KCNQ1: variants seen among roughly 807,000 people sequenced by gnomAD.
The protein encoded by KCNQ1 is potassium voltage-gated channel subfamily Q member 1, also known as potassium voltage-gated channel subfamily KQT member 1.
In KCNQ1, 49 loss-of-function variants were observed where a neutral mutation model predicts 72.4. The observed-to-expected ratio is 0.68, with a 90% CI of 0.54 to 0.86. The LOEUF (loss-of-function observed/expected upper bound fraction) is 0.86. Ranked by LOEUF, KCNQ1 falls within the 40% of genes least tolerant of loss-of-function variation. KCNQ1 has a pLI of 0.00. For synonymous variants in KCNQ1, 450 were observed against 412.6 expected, an observed-to-expected ratio of 1.09 and a Z score of -1.10; for missense variants, 790 against 945.1, an observed-to-expected ratio of 0.84 and a Z score of 2.15.
At chr11:2,722,910 G>A (rs1227525198) in intron 11 of KCNQ1, among the ~76,000 whole-genome samples, 3 of 152,172 alleles carry the variant, frequency 2.0e-5, no homozygotes, top group Non-Finnish European at 1.5e-5. Flanking sequence ...CGGAGTGGGG[G>A]TGGGGGCATG....
In KCNQ1 at chr11:2,579,219, G is replaced by A. The variant is rs1437845777; in HGVS notation, c.922-4216G>A. On this transcript the variant is annotated intron_variant, in intron 6 of 15. Coordinates refer to ENST00000155840, the MANE Select transcript of KCNQ1 (RefSeq NM_000218.3). The surrounding 1 kb of genome is among the most constrained non-coding windows in gnomAD (Gnocchi z 6.0). ...GCCTTGAGGAGGCTACTTCTGAAAGGAGGGAATAGAATCCCAGTGTTTCTC... is the reference window on the plus strand; with the variant it reads ...GCCTTGAGGAGGCTACTTCTGAAAGAAGGGAATAGAATCCCAGTGTTTCTC... Among the ~76,000 whole-genome samples, 4 of 152,180 alleles carry A rather than the reference G, an allele frequency of 2.6e-5. No individual in the cohort carries two copies. The highest frequency in any genetic ancestry group is 4.8e-5 in the African/African-American group (2 of 41,462).
At chr11:2,472,556 G>A (rs965637092) in intron 1 of KCNQ1, among the ~76,000 whole-genome samples, 3 of 152,138 alleles carry the variant, frequency 2.0e-5, no homozygotes, top group Admixed American at 6.5e-5. Context: ...GCTACTTTGT[G>A]GGCTGGAGTC....
rs1438385719 is a variant in KCNQ1, at chr11:2,781,353, A to G, written c.1794+3316A>G. Among the ~76,000 whole-genome samples the G allele has an allele frequency of 2.0e-5, 3 of 152,120 alleles. No individual in the cohort carries two copies. The highest frequency in any genetic ancestry group is 6.5e-5 in the Admixed American group (1 of 15,282). ...CAGGGGTGGGAGATGAGGTAGAGAGAGCAAGGAGGGGTTTCATATCACCCA... is the reference window on the plus strand; with the variant it reads ...CAGGGGTGGGAGATGAGGTAGAGAGGGCAAGGAGGGGTTTCATATCACCCA... On this transcript the variant is annotated intron_variant, in intron 15 of 15. Coordinates refer to ENST00000155840, the MANE Select transcript of KCNQ1 (RefSeq NM_000218.3). The surrounding 1 kb of genome is among the most constrained non-coding windows in gnomAD (Gnocchi z 6.6).
rs888571840 is a variant in KCNQ1, at chr11:2,486,027, G to T, written c.386+40543G>T. Among the ~76,000 whole-genome samples, 6 of 152,176 alleles carry T rather than the reference G, an allele frequency of 3.9e-5. No individual in the cohort carries two copies. The highest frequency in any genetic ancestry group is 1.4e-4 in the African/African-American group (6 of 41,516). On this transcript the variant is annotated intron_variant, in intron 1 of 15. Coordinates refer to ENST00000155840, the MANE Select transcript of KCNQ1 (RefSeq NM_000218.3). This position sits in a 1 kb window ranked among gnomAD's most constrained non-coding sequence, Gnocchi z 5.0. ...ATGGGTGTACAAATATCTTTTCAAC[G>T]CCCTGCTTTCAATTCTTTTGGGTAT...
intron 10 of KCNQ1, chr11:2,660,914 A>T (rs1193084244): frequency 1.0e-5 from 4 of 398,556 alleles, no homozygotes; most frequent in Admixed American, 4.4e-5. Context: ...GCTTAAAACT[A>T]TAAGAGCCTG....
At chr11:2,583,630 C>T (rs907747996) in intron 7 of KCNQ1, 85 bp downstream of exon 7, 3 of 914,138 alleles carry the variant, frequency 3.3e-6, no homozygotes, top group African/African-American at 3.2e-5. Flanking sequence ...TGTGAGCAGA[C>T]CCACTTACGT....
chr11:2,611,569 T>A lies in KCNQ1; in HGVS notation c.1393+22715T>A, dbSNP rs986099622. 5.0e-5 allele frequency: 20 copies of A among 398,630 alleles called. No individual in the cohort carries two copies. Among genetic ancestry groups the A allele is most frequent in the African/African-American group, 3.7e-4 (18 of 48,758 alleles). The allele number at this position is 398,630 out of a possible 1,614,324, so 24.7% of individuals were successfully genotyped here. ...CTTTCTTATTACTGTTTGCATGTCA[T>A]CTTTTTCCATCATTTTACTTTCAAC... On this transcript the variant is annotated intron_variant, in intron 10 of 15. Transcript: ENST00000155840. This position sits in a 1 kb window ranked among gnomAD's most constrained non-coding sequence, Gnocchi z 5.3.
At chr11:2,788,827 A>G (rs534247990) in intron 15 of KCNQ1, among the ~76,000 whole-genome samples, 1 of 152,290 alleles carries the variant, frequency 6.6e-6, no homozygotes, top group South Asian at 2.1e-4. Context: ...AGATAAACCT[A>G]TAATGAAAGC....
chr11:2,797,844 G>A (rs562588669), intron 15 of KCNQ1, among the ~76,000 whole-genome samples: 14 of 152,020 alleles, frequency 9.2e-5, no homozygotes, highest in East Asian at 1.9e-4. Context: ...GAAGCCAGCC[G>A]GTTCCCCCAG....
At chr11:2,453,138 C>T (rs1846138505) in intron 1 of KCNQ1, among the ~76,000 whole-genome samples, 1 of 152,232 alleles carries the variant, frequency 6.6e-6, no homozygotes, top group Non-Finnish European at 1.5e-5. Flanking sequence ...CTTTGGGAGG[C>T]CAAGGCGGGC....
intron 11 of KCNQ1, chr11:2,685,633 G>T (rs934888785): frequency 1.3e-4 from 51 of 398,588 alleles, no homozygotes; most frequent in Non-Finnish European, 2.7e-5. Flanking sequence ...TCCACTCAGG[G>T]TTGAGGGGAC....
In KCNQ1 at chr11:2,583,535, C is replaced by A. The variant is rs12720459; in HGVS notation, c.1022C>A (p.Ala341Glu). The change falls in exon 7 of 16, where the codon GCG becomes GAG. Residue 341 changes from alanine to glutamate, a missense_variant. By Grantham distance (107) the Ala-to-Glu change is moderately radical. Transcript: ENST00000155840. ...TCTGTCTTTGCCATCTCCTTCTTTG[C>A]GCTCCCAGCGGTAGGTGCCCCGTGG... ...CFSVFAISFF[A>E]LPAGILGSGF... 23 of 1,612,314 alleles carry A rather than the reference C, an allele frequency of 1.4e-5. No individual in the cohort carries two copies. The highest frequency in any genetic ancestry group is 2.0e-5 in the Non-Finnish European group (23 of 1,178,416).
rs115949303 is a variant in KCNQ1 at position 2,828,903 on chromosome 11, T to A, written c.1795-18864T>A. Among the ~76,000 whole-genome samples, 313 of 152,220 alleles carry A rather than the reference T, an allele frequency of 2.1e-3. 1 individual carries two copies. The highest frequency in any genetic ancestry group is 7.3e-3 in the African/African-American group (303 of 41,524). On this transcript the variant is annotated intron_variant, in intron 15 of 15. Transcript: ENST00000155840. This position sits in a 1 kb window ranked among gnomAD's most constrained non-coding sequence, Gnocchi z 5.3. Reference sequence around the variant, plus strand: ...AAAAAGTAAGTCACACACAAGAGAATAGAAAATCAAAACGGTATCCAATTT... The same window carrying A: ...AAAAAGTAAGTCACACACAAGAGAAAAGAAAATCAAAACGGTATCCAATTT...
chr11:2,634,861 T>C (rs1227597898), intron 10 of KCNQ1: 7 of 152,240 alleles, frequency 4.6e-5, no homozygotes, highest in African/African-American at 1.7e-4. Flanking sequence ...GAATTTTTAA[T>C]GATTGCCATT....
At chr11:2,580,849 C>G (rs1848488749) in intron 6 of KCNQ1, among the ~76,000 whole-genome samples, 1 of 152,230 alleles carries the variant, frequency 6.6e-6, no homozygotes, top group African/African-American at 2.4e-5. Flanking sequence ...GGACTTGGGC[C>G]TGCGCTGGGC....
At chr11:2,554,546 G>A (rs575094768) in intron 2 of KCNQ1, among the ~76,000 whole-genome samples, 1 of 152,208 alleles carries the variant, frequency 6.6e-6, no homozygotes, top group Admixed American at 6.5e-5. Flanking sequence ...GGGGGCCTGG[G>A]CTGGGTGGTC....
chr11:2,517,672 A>G (rs916924415), intron 1 of KCNQ1, among the ~76,000 whole-genome samples: 5 of 152,150 alleles, frequency 3.3e-5, no homozygotes, highest in African/African-American at 1.2e-4. Context: ...GGCAGCCCCT[A>G]AGACGCTTCT....
In KCNQ1 at chr11:2,669,140, C is replaced by A. The variant is rs1332323894; in HGVS notation, c.1514+7059C>A. On this transcript the variant is annotated intron_variant, in intron 11 of 15. Coordinates refer to ENST00000155840, the MANE Select transcript of KCNQ1 (RefSeq NM_000218.3). The surrounding 1 kb of genome is among the most constrained non-coding windows in gnomAD (Gnocchi z 5.6). The stretch of plus-strand genomic sequence containing the variant: ...CTCTGTTTCTGGACCCTATTGGGTG[C>A]CACTGGTCAGATTCAAGTTGTTCTT... The A allele has an allele frequency of 2.5e-6, 1 of 398,586 alleles. No homozygotes were observed. Among genetic ancestry groups the A allele is most frequent in the East Asian group, 3.6e-5 (1 of 28,088 alleles). 24.7% of individuals were successfully genotyped at this position (398,586 alleles called of 1,614,324 possible). A position where few individuals can be genotyped will look rare whatever the true frequency, so the allele number is the denominator to read the frequency against.
rs936892324 is a variant in KCNQ1, at chr11:2,471,835, C to T, written c.386+26351C>T. Among the ~76,000 whole-genome samples, 1 of 150,030 alleles carries T rather than the reference C, an allele frequency of 6.7e-6. No individual in the cohort carries two copies. Among genetic ancestry groups the T allele is most frequent in the Non-Finnish European group, 1.5e-5 (1 of 67,578 alleles). ...GTGTGCACGTGTATGGGTGCGTGTG[C>T]ACCTATGTGTGTATAGGTGTGTGTG... On this transcript the variant is annotated intron_variant, in intron 1 of 15. Transcript: ENST00000155840. The surrounding 1 kb of genome is among the most constrained non-coding windows in gnomAD (Gnocchi z 4.8).
Sources: allele counts gnomAD v4.1 joint callset (sites outside exome capture counted in the v4.1 genomes callset), GRCh38; gene constraint gnomAD v4.1.1; non-coding constraint Gnocchi (gnomAD v3.1); transcripts MANE v1.5; gene names NCBI Gene and HGNC (gene_info 2026-07-23, HGNC 2026-07-21).